The following TRMT10B variants were observed in gnomAD, a reference collection of about 807,000 sequenced individuals.
TRMT10B encodes tRNA methyltransferase 10B.
In TRMT10B, 33 loss-of-function variants were observed where a neutral mutation model predicts 43.8. The observed-to-expected ratio is 0.75, with a 90% CI of 0.57 to 1.01. TRMT10B has a LOEUF of 1.01. TRMT10B is among the 50% of genes least tolerant of loss of function. The probability of loss-of-function intolerance (pLI) is 0.00; values close to 1 mark genes in which losing one functional copy is unlikely to be tolerated. For synonymous variants in TRMT10B, 137 were observed against 130.6 expected, an observed-to-expected ratio of 1.05 and a Z score of -0.34; for missense variants, 362 against 369.8, an observed-to-expected ratio of 0.98 and a Z score of 0.17.
At chr9:37,761,425 G>A (rs145334533) in intron 1 of TRMT10B, among the ~76,000 whole-genome samples, 2 of 152,322 alleles carry the variant, frequency 1.3e-5, no homozygotes, top group East Asian at 3.9e-4. Flanking sequence ...GGGGCTGGGT[G>A]CAGTGGCTCA....
Position 37,777,667 on chromosome 9 carries a change from C to T in TRMT10B, c.911C>T (p.Ser304Phe), listed in dbSNP as rs775712506. ...CCTGAAGCATTGAAGAAAGGAGTTT[C>T]TTCAGGAAAAGGCTATATTCTTCGG... ...NWPEALKKGVSSGKGYILRNS... is the reference protein window; with the variant it reads ...NWPEALKKGVFSGKGYILRNS... Residue 304 changes from serine (S) to phenylalanine (F), a missense_variant, in exon 9 of 9, where the codon TCT (serine) becomes TTT (phenylalanine). By Grantham distance (155) the Ser-to-Phe change is radical (BLOSUM62 -2). Coordinates refer to ENST00000297994, the MANE Select transcript of TRMT10B (RefSeq NM_144964.4). The T allele has an allele frequency of 1.2e-6, 2 of 1,613,968 alleles. No homozygotes were observed. The highest frequency in any genetic ancestry group is 1.7e-6 in the Non-Finnish European group (2 of 1,179,966).
chr9:37,757,045 T>C (rs1440528404), intron 1 of TRMT10B, among the ~76,000 whole-genome samples: 1 of 152,054 alleles, frequency 6.6e-6, no homozygotes, highest in African/African-American at 2.4e-5. Context: ...TCACTGTTCA[T>C]TCATGTGGAG....
rs1826638795 is a variant in TRMT10B at position 37,763,516 on chromosome 9, A to C, written c.296-113A>C. The C allele has an allele frequency of 5.8e-5, 48 of 830,278 alleles. No homozygotes were observed. In the South Asian group the frequency reaches 8.2e-4, roughly 14 times the overall value. The allele number at this position is 830,278 out of a possible 1,614,324, so 51.4% of individuals were successfully genotyped here. On this transcript the variant is annotated intron_variant, in intron 3 of 8. Transcript: ENST00000297994. ...ATCTTCTAATGAACGAATACCTTAC[A>C]TCAGTATCAAGTTTCTCTTTATATG...
Position 37,777,597 on chromosome 9 carries a change from A to C in TRMT10B, c.845-4A>C. 1 of 1,609,074 alleles carries C rather than the reference A, an allele frequency of 6.2e-7. No homozygotes were observed. Among genetic ancestry groups the C allele is most frequent in the Non-Finnish European group, 8.5e-7 (1 of 1,175,636 alleles). ...CACTGTGTTTTCTGTTTACTCTCTAACAGTGTTTGATATCCTGTCCACTTA... is the reference window on the plus strand; with the variant it reads ...CACTGTGTTTTCTGTTTACTCTCTACCAGTGTTTGATATCCTGTCCACTTA... On this transcript the variant is annotated splice_polypyrimidine_tract_variant and splice_region_variant and intron_variant, in intron 8 of 8. Coordinates refer to ENST00000297994, the MANE Select transcript of TRMT10B (RefSeq NM_144964.4).
intron 5 of TRMT10B, 85 bp from the exon 6 acceptor site, chr9:37,769,856 G>A (rs1827371372): frequency 9.7e-7 from 1 of 1,028,968 alleles, no homozygotes; most frequent in East Asian, 2.4e-5. Context: ...TTCCACCTTA[G>A]CCTCCCAAAG....
chr9:37,766,220 T>C (rs1416867412), intron 4 of TRMT10B, among the ~76,000 whole-genome samples: 1 of 152,236 alleles, frequency 6.6e-6, no homozygotes, highest in South Asian at 2.1e-4. Context: ...AGGTCTAACA[T>C]TTAAGTCTTT....
intron 4 of TRMT10B, among the ~76,000 whole-genome samples, chr9:37,764,512 G>C (rs543331868): frequency 6.6e-6 from 1 of 151,812 alleles, no homozygotes; most frequent in East Asian, 1.9e-4. Context: ...TAGTAGAGAT[G>C]GGGTTTCACC....
intron 2 of TRMT10B, 148 bp from the exon 3 acceptor site, chr9:37,762,429 C>G: frequency 8.5e-7 from 1 of 1,177,936 alleles, no homozygotes; most frequent in Non-Finnish European, 1.2e-6. Context: ...TAAACACGAT[C>G]CAGTCTAGGT....
At chr9:37,757,622 C>T (rs1825862609) in intron 1 of TRMT10B, among the ~76,000 whole-genome samples, 1 of 152,162 alleles carries the variant, frequency 6.6e-6, no homozygotes, top group South Asian at 2.1e-4. Context: ...GTCACATGTT[C>T]ACATGATAAG....
intron 4 of TRMT10B, among the ~76,000 whole-genome samples, chr9:37,764,718 C>T (rs1032370802): frequency 6.6e-6 from 1 of 152,126 alleles, no homozygotes; most frequent in Non-Finnish European, 1.5e-5. Flanking sequence ...GCTACTGTGC[C>T]TGGCCTCAAT....
At position 37,777,988 on chromosome 9, in the gene TRMT10B, G is replaced by A. The variant is rs1828365080; in HGVS notation, c.*281G>A. The A allele has an allele frequency of 4.0e-6, 1 of 247,396 alleles. No individual in the cohort carries two copies. The highest frequency in any genetic ancestry group is 6.1e-5 in the South Asian group (1 of 16,504). The allele number at this position is 247,396 out of a possible 1,614,324, so 15.3% of individuals were successfully genotyped here. A position where few individuals can be genotyped will look rare whatever the true frequency, so the allele number is the denominator to read the frequency against. ...CCAGTGCACTCCAGCCTGGGTGACAGAGCAAGACTCCATCTCAAAAAAAAA... is the reference window on the plus strand; with the variant it reads ...CCAGTGCACTCCAGCCTGGGTGACAAAGCAAGACTCCATCTCAAAAAAAAA... On this transcript the variant is annotated 3_prime_UTR_variant, in exon 9 of 9. Transcript: ENST00000297994.
chr9:37,769,905 G>A (rs2118868024), intron 5 of TRMT10B, 36 bp from the exon 6 acceptor site: 1 of 1,570,268 alleles, frequency 6.4e-7, no homozygotes, highest in East Asian at 2.2e-5. Context: ...ACCCAGCCGT[G>A]AGCTGTTTTA....
At chr9:37,756,018 C>CT (rs1456992805) in intron 1 of TRMT10B, among the ~76,000 whole-genome samples, 1 of 152,162 alleles carries the variant, frequency 6.6e-6, no homozygotes, top group East Asian at 1.9e-4. Context: ...TCCTAGATCT[C>CT]TTTTCCCCTC....
chr9:37,763,505 G>C lies in TRMT10B; in HGVS notation c.296-124G>C, dbSNP rs554179227. On this transcript the variant is annotated intron_variant, in intron 3 of 8. Transcript: ENST00000297994. The stretch of plus-strand genomic sequence containing the variant: ...ACTCTGTGTAAATCTTCTAATGAAC[G>C]AATACCTTACATCAGTATCAAGTTT... 6.6e-6 allele frequency: 5 copies of C among 758,924 alleles called. No individual in the cohort carries two copies. In the South Asian group the frequency reaches 7.3e-5, roughly 11 times the overall value. 47.0% of individuals were successfully genotyped at this position (758,924 alleles called of 1,614,324 possible).
chr9:37,770,142 C>G, intron 6 of TRMT10B, 123 bp downstream of exon 6: 2 of 851,424 alleles, frequency 2.3e-6, no homozygotes, highest in Admixed American at 3.5e-5. Flanking sequence ...AAAAGTAATG[C>G]ACATGAGCAG....
intron 7 of TRMT10B, among the ~76,000 whole-genome samples, 189 bp downstream of exon 7, chr9:37,770,928 A>G (rs1172321816): frequency 6.6e-6 from 1 of 152,246 alleles, no homozygotes; most frequent in African/African-American, 2.4e-5. Context: ...TGTCAGCGAA[A>G]TCAAGAGTCG....
intron 1 of TRMT10B, among the ~76,000 whole-genome samples, chr9:37,759,615 C>A (rs137988354): frequency 6.6e-6 from 1 of 152,186 alleles, no homozygotes; most frequent in Non-Finnish European, 1.5e-5. Flanking sequence ...GTCAGGAGTT[C>A]GAGACCAGCC....
At chr9:37,763,164 A>C (rs1826591849) in intron 3 of TRMT10B, among the ~76,000 whole-genome samples, 1 of 148,590 alleles carries the variant, frequency 6.7e-6, no homozygotes, top group Non-Finnish European at 1.5e-5. Flanking sequence ...AAAAAAAAAA[A>C]ACAAAAAAAA....
Position 37,761,966 on chromosome 9 carries a change from T to C in TRMT10B, c.35T>C (p.Val12Ala), listed in dbSNP as rs778645189. 5.0e-6 allele frequency: 8 copies of C among 1,613,576 alleles called. No individual in the cohort carries two copies. In the South Asian group the frequency reaches 5.5e-5, roughly 11 times the overall value. ...DWKLEGSTQK[V>A]ESPVLQGQEG... is the part of the protein sequence containing the mutation. ...AAATTGGAAGGGAGTACTCAGAAAG[T>C]AGAGTCACCTGTGCTGCAGGGGCAA... is the stretch of plus-strand genomic sequence containing the variant. Residue 12 changes from valine to alanine, a missense_variant, in exon 2 of 9, where the codon GTA becomes GCA. Coordinates refer to ENST00000297994, the MANE Select transcript of TRMT10B (RefSeq NM_144964.4).
Sources: gnomAD v4.1 joint callset for allele counts (sites outside exome capture counted in the v4.1 genomes callset) on GRCh38, gnomAD v4.1.1 for gene constraint, MANE v1.5 for transcripts, NCBI Gene and HGNC (gene_info 2026-07-23, HGNC 2026-07-21) for gene names.